PTPRD: variants seen among roughly 807,000 people sequenced by gnomAD.
The protein encoded by PTPRD is receptor-type tyrosine-protein phosphatase delta.
A neutral mutation model predicts 214.5 loss-of-function variants in PTPRD; 34 were observed. The ratio of observed to expected loss-of-function variants is 0.16; its 90% CI spans 0.12 to 0.21. The LOEUF is 0.21. Among genes scored for constraint, PTPRD ranks in the 10% least tolerant of loss-of-function variants. PTPRD has a pLI of 1.00. For missense variants in PTPRD, 2,545 were observed against 2,398.7 expected (o/e 1.06, Z -1.27); for synonymous variants, 1,128 against 845.7 (o/e 1.33, Z -5.79).
At chr9:9,708,905 T>C (rs1031695687) in intron 7 of PTPRD, among the ~76,000 whole-genome samples, 3 of 152,004 alleles carry the variant, frequency 2.0e-5, no homozygotes, top group African/African-American at 7.2e-5. Context: ...AACTAGAATA[T>C]TTTCCCTTCC....
intron 2 of PTPRD, among the ~76,000 whole-genome samples, chr9:10,588,433 C>T (rs971723873): frequency 2.3e-4 from 35 of 151,212 alleles, no homozygotes; most frequent in African/African-American, 8.5e-4. Flanking sequence ...ATTGTACACA[C>T]ACACACACAC....
In PTPRD at chr9:9,832,893, GTT is replaced by G. The variant is rs34993342; in HGVS notation, c.-367-66044_-367-66043del. 2.8e-3 allele frequency among the ~76,000 whole-genome samples: 404 copies of G among 145,164 alleles called. 1 individual carries two copies. The highest frequency in any genetic ancestry group is 9.6e-3 in the African/African-American group (382 of 39,978). On this transcript the variant is annotated intron_variant, in intron 5 of 45. Coordinates refer to ENST00000381196, the MANE Select transcript of PTPRD (RefSeq NM_002839.4). The stretch of plus-strand genomic sequence containing the variant: ...AAAGAATGGGAAGCTTTTTTTCTAT[GTT>G]TTTTTTTTTCCCATATGAGAGAGGA...
At chr9:8,774,391 G>C (rs913955701) in intron 11 of PTPRD, among the ~76,000 whole-genome samples, 2 of 152,114 alleles carry the variant, frequency 1.3e-5, no homozygotes, top group African/African-American at 4.8e-5. Context: ...GAGAAGATTA[G>C]AGATTACAGG....
chr9:10,175,808 T>A (rs1368408491), intron 3 of PTPRD, among the ~76,000 whole-genome samples: 1 of 151,976 alleles, frequency 6.6e-6, no homozygotes, highest in Non-Finnish European at 1.5e-5. Context: ...AGTAATGTTA[T>A]ACTCAACACA....
chr9:9,066,248 C>T (rs1450627003), intron 10 of PTPRD, among the ~76,000 whole-genome samples: 1 of 150,768 alleles, frequency 6.6e-6, no homozygotes, highest in African/African-American at 2.4e-5. Context: ...ATCGGTGTTA[C>T]TTCTTATGTT....
intron 7 of PTPRD, among the ~76,000 whole-genome samples, chr9:9,581,305 A>T (rs1390113011): frequency 1.3e-5 from 2 of 152,162 alleles, no homozygotes; most frequent in Admixed American, 6.6e-5. Context: ...AGAATACATA[A>T]TATTGTTACA....
chr9:8,486,713 C>T (rs145093877), intron 27 of PTPRD, among the ~76,000 whole-genome samples: 225 of 152,256 alleles, frequency 1.5e-3, no homozygotes, highest in African/African-American at 5.3e-3. Context: ...ATAAGAATAA[C>T]TATAATGATT....
chr9:8,688,427 T>C (rs1268216938), intron 12 of PTPRD, among the ~76,000 whole-genome samples: 2 of 151,426 alleles, frequency 1.3e-5, no homozygotes, highest in Admixed American at 1.3e-4. Context: ...TAGCCGGGCG[T>C]GGTGGTGGGC....
At chr9:9,266,561 A>G (rs896819497) in intron 9 of PTPRD, among the ~76,000 whole-genome samples, 14 of 151,244 alleles carry the variant, frequency 9.3e-5, no homozygotes, top group African/African-American at 3.4e-4. Flanking sequence ...TTCACTGACC[A>G]CCGTGATATG....
intron 3 of PTPRD, among the ~76,000 whole-genome samples, chr9:10,185,371 A>T (rs887813732): frequency 6.6e-6 from 1 of 152,198 alleles, no homozygotes. Context: ...CTTCCATTAC[A>T]ATGAGAAATT....
intron 14 of PTPRD, among the ~76,000 whole-genome samples, chr9:8,583,609 T>C (rs928191183): frequency 3.3e-5 from 5 of 152,244 alleles, no homozygotes; most frequent in South Asian, 4.1e-4. Flanking sequence ...TGAAAACCTA[T>C]GCCATAAACT....
At chr9:8,772,368 T>G (rs1419835929) in intron 11 of PTPRD, among the ~76,000 whole-genome samples, 2 of 135,412 alleles carry the variant, frequency 1.5e-5, no homozygotes, top group African/African-American at 5.5e-5. Flanking sequence ...ACTTACTTTT[T>G]AAAACATAAA....
At chr9:8,684,078 G>C (rs961719631) in intron 12 of PTPRD, among the ~76,000 whole-genome samples, 3 of 151,886 alleles carry the variant, frequency 2.0e-5, no homozygotes, top group African/African-American at 7.3e-5. Context: ...GCTAAGATAT[G>C]GTGGAGCAGC....
intron 11 of PTPRD, among the ~76,000 whole-genome samples, chr9:8,820,429 TA>T (rs1421316595): frequency 1.3e-5 from 2 of 152,156 alleles, no homozygotes; most frequent in Non-Finnish European, 2.9e-5. Flanking sequence ...ATATACAGAA[TA>T]TATTTATAAT....
chr9:10,264,197 C>T (rs1476585763), intron 3 of PTPRD, among the ~76,000 whole-genome samples: 1 of 152,140 alleles, frequency 6.6e-6, no homozygotes. Flanking sequence ...GTTGAAGCCC[C>T]CACATAGAGT....
intron 7 of PTPRD, among the ~76,000 whole-genome samples, chr9:9,711,088 C>G (rs954389296): frequency 6.6e-6 from 1 of 152,114 alleles, no homozygotes; most frequent in African/African-American, 2.4e-5. Flanking sequence ...TGGATAGGAT[C>G]AGGCCATGCG....
At chr9:9,231,734 CT>C (rs892944175) in intron 9 of PTPRD, among the ~76,000 whole-genome samples, 15 of 150,872 alleles carry the variant, frequency 9.9e-5, no homozygotes, top group Non-Finnish European at 2.1e-4. Context: ...CTTCCTTTTT[CT>C]TTTTTTTTAA....
chr9:10,074,445 T>C (rs2098095146), intron 3 of PTPRD, among the ~76,000 whole-genome samples: 1 of 152,124 alleles, frequency 6.6e-6, no homozygotes, highest in East Asian at 1.9e-4. Flanking sequence ...TTGGCTCAGT[T>C]TGGATCTCTG....
intron 3 of PTPRD, among the ~76,000 whole-genome samples, chr9:10,228,959 T>C (rs911185593): frequency 2.0e-5 from 3 of 151,952 alleles, no homozygotes; most frequent in Non-Finnish European, 4.4e-5. Flanking sequence ...AAGGCATTGC[T>C]TCTTAATTCC....
Sources: allele counts gnomAD v4.1 joint callset (sites outside exome capture counted in the v4.1 genomes callset), GRCh38; gene constraint gnomAD v4.1.1; transcripts MANE v1.5; gene names NCBI Gene and HGNC (gene_info 2026-07-23, HGNC 2026-07-21).